SLCO3A1: variants seen among roughly 807,000 people sequenced by gnomAD.
SLCO3A1 encodes solute carrier organic anion transporter family member 3A1, also known as PGE1 transporter.
Under a neutral mutation model 63.1 loss-of-function variants are expected in SLCO3A1, and 27 were observed. That is an observed-to-expected ratio of 0.43 (90% CI 0.32 to 0.59). The LOEUF (loss-of-function observed/expected upper bound fraction) is 0.59. Among genes scored for constraint, SLCO3A1 ranks in the 20% least tolerant of loss-of-function variants. SLCO3A1 has a pLI of 0.09. For missense variants in SLCO3A1, 773 were observed against 945.8 expected, an observed-to-expected ratio of 0.82 and a Z score of 2.40; for synonymous variants, 473 against 409.9, an observed-to-expected ratio of 1.15 and a Z score of -1.86.
rs1438448750 is a variant in SLCO3A1 at position 91,862,157 on chromosome 15, T to G, written c.180+8069T>G. ...GTAATGATGAAGTCTTATTTTTTTA[T>G]TTTTTATTTTTTTTTTGAGACAGTC... On this transcript the variant is annotated intron_variant, in intron 1 of 9. Transcript: ENST00000318445. The surrounding 1 kb of genome is among the most constrained non-coding windows in gnomAD (Gnocchi z 4.0). Among the ~76,000 whole-genome samples the G allele has an allele frequency of 6.7e-6, 1 of 150,060 alleles. No individual in the cohort carries two copies. Among genetic ancestry groups the G allele is most frequent in the Non-Finnish European group, 1.5e-5 (1 of 67,992 alleles).
chr15:92,098,956 A>T (rs960540982), intron 3 of SLCO3A1, among the ~76,000 whole-genome samples: 8 of 152,184 alleles, frequency 5.3e-5, no homozygotes, highest in Admixed American at 2.6e-4. Flanking sequence ...TAGAGCAGGG[A>T]TTCATCCCCA....
Position 92,163,236 on chromosome 15 carries a change from C to T in SLCO3A1, c.*101C>T, listed in dbSNP as rs773561722. ...AAAAAAAACCAAAACTCAGTACACA[C>T]ACACAGGCACAGATGCACACACACG... On this transcript the variant is annotated 3_prime_UTR_variant, in exon 10 of 10. Transcript: ENST00000318445. The T allele has an allele frequency of 3.5e-5, 50 of 1,435,552 alleles. No individual in the cohort carries two copies. The highest frequency in any genetic ancestry group is 3.9e-5 in the Non-Finnish European group (43 of 1,103,300). 88.9% of individuals were successfully genotyped at this position (1,435,552 alleles called of 1,614,324 possible).
At chr15:91,939,687 A>G (rs1417657531) in intron 2 of SLCO3A1, among the ~76,000 whole-genome samples, 1 of 152,088 alleles carries the variant, frequency 6.6e-6, no homozygotes, top group Non-Finnish European at 1.5e-5. Context: ...CCTCTGCAGC[A>G]TTCCAGTCAT....
At chr15:92,166,634 C>T (rs953251370), downstream of SLCO3A1, among the ~76,000 whole-genome samples, 1 of 152,226 alleles carries the variant, frequency 6.6e-6, no homozygotes, top group African/African-American at 2.4e-5. Context: ...GGGCAACCAG[C>T]TGGTCCCTGG....
intron 2 of SLCO3A1, among the ~76,000 whole-genome samples, chr15:91,935,340 G>T (rs181004999): frequency 1.3e-5 from 2 of 152,256 alleles, no homozygotes; most frequent in East Asian, 3.9e-4. Flanking sequence ...GCAACACAAG[G>T]GACTTTTGTA....
chr15:91,993,837 C>G (rs142212836), intron 2 of SLCO3A1, among the ~76,000 whole-genome samples: 42 of 152,338 alleles, frequency 2.8e-4, no homozygotes, highest in African/African-American at 8.2e-4. Context: ...TCTTGGATCG[C>G]TTGCTCTGGA....
rs78382800 is a variant in SLCO3A1, at chr15:92,128,571, C to T, written c.1512+82C>T. Reference sequence around the variant, plus strand: ...AACCCAAGTTTTTGCCCAGGTTGTTCGCCTTCCCTGTGACTTTTTCTTAGC... The same window carrying T: ...AACCCAAGTTTTTGCCCAGGTTGTTTGCCTTCCCTGTGACTTTTTCTTAGC... On this transcript the variant is annotated intron_variant, in intron 7 of 9. Coordinates refer to ENST00000318445, the MANE Select transcript of SLCO3A1 (RefSeq NM_013272.4). 1,191 of 1,305,802 alleles carry T rather than the reference C, an allele frequency of 9.1e-4. 7 individuals carry two copies. The African/African-American group carries it at 0.015, about 16-fold the overall frequency. 80.9% of individuals were successfully genotyped at this position (1,305,802 alleles called of 1,614,324 possible). A position where few individuals can be genotyped will look rare whatever the true frequency, so the allele number is the denominator to read the frequency against.
chr15:91,924,422 A>G (rs923047545), intron 2 of SLCO3A1, among the ~76,000 whole-genome samples: 2 of 152,214 alleles, frequency 1.3e-5, no homozygotes, highest in East Asian at 1.9e-4. Flanking sequence ...TGGTAGCTCA[A>G]ACACACACGG....
intron 2 of SLCO3A1, among the ~76,000 whole-genome samples, chr15:92,070,214 G>C (rs1409910871): frequency 7.9e-5 from 12 of 152,240 alleles, no homozygotes; most frequent in Non-Finnish European, 1.5e-5. Context: ...TCGTACCATT[G>C]TTTGGAGGGT....
intron 2 of SLCO3A1, among the ~76,000 whole-genome samples, chr15:92,061,898 G>A (rs757728640): frequency 3.3e-5 from 5 of 152,218 alleles, no homozygotes; most frequent in Non-Finnish European, 5.9e-5. Flanking sequence ...GTCATGTCAA[G>A]GCTCTGGGTG....
chr15:91,902,438 GT>G (rs1898183666), intron 1 of SLCO3A1, among the ~76,000 whole-genome samples: 1 of 151,758 alleles, frequency 6.6e-6, no homozygotes. Flanking sequence ...ATTCTGTTTA[GT>G]TTGCCAGTCT....
At chr15:91,980,183 C>G (rs2045967211) in intron 2 of SLCO3A1, among the ~76,000 whole-genome samples, 2 of 152,108 alleles carry the variant, frequency 1.3e-5, no homozygotes, top group Non-Finnish European at 2.9e-5. Flanking sequence ...TAGTGCCACT[C>G]ACATTTCTCA....
intron 9 of SLCO3A1, chr15:92,162,133 CTTTTTTTTTTTTTTT>C (rs397854182): frequency 3.4e-5 from 2 of 59,348 alleles, no homozygotes; most frequent in African/African-American, 7.4e-5. Flanking sequence ...GTTCTAGATG[CTTTTTTTTTTTTTTT>C]TTTTTTTTTT....
intron 2 of SLCO3A1, among the ~76,000 whole-genome samples, chr15:92,091,610 G>A (rs1050749744): frequency 2.6e-5 from 4 of 152,160 alleles, no homozygotes; most frequent in Non-Finnish European, 2.9e-5. Flanking sequence ...GGCACTTCCC[G>A]ATGCACGAAG....
chr15:91,922,995 C>T (rs944810991), intron 2 of SLCO3A1, among the ~76,000 whole-genome samples: 1 of 152,160 alleles, frequency 6.6e-6, no homozygotes, highest in Non-Finnish European at 1.5e-5. Context: ...CATGGCATCA[C>T]CGCTGTGCCT....
intron 2 of SLCO3A1, among the ~76,000 whole-genome samples, chr15:91,983,951 A>G (rs747593242): frequency 2.0e-5 from 3 of 152,184 alleles, no homozygotes; most frequent in Non-Finnish European, 4.4e-5. Flanking sequence ...TAGGCTAATC[A>G]ATCAAGGAGG....
In SLCO3A1 at chr15:92,118,141, G is replaced by C. The variant is rs146652826; in HGVS notation, c.1010-2324G>C. ...ATAAGTGTATTAATACAATGGACTT[G>C]AAGTTGTTTTCTTATTATCTTTATT... On this transcript the variant is annotated intron_variant, in intron 4 of 9. Coordinates refer to ENST00000318445, the MANE Select transcript of SLCO3A1 (RefSeq NM_013272.4). Among the ~76,000 whole-genome samples the C allele has an allele frequency of 2.2e-3, 332 of 152,314 alleles. 3 individuals are homozygous for C. The highest frequency in any genetic ancestry group is 7.4e-3 in the African/African-American group (307 of 41,570).
chr15:91,917,338 T>A (rs1362265361), intron 2 of SLCO3A1, among the ~76,000 whole-genome samples: 1 of 152,134 alleles, frequency 6.6e-6, no homozygotes, highest in African/African-American at 2.4e-5. Flanking sequence ...TGCCTTGAGG[T>A]AGAAAGTTAA....
At chr15:91,922,281 A>G (rs1898876935) in intron 2 of SLCO3A1, among the ~76,000 whole-genome samples, 1 of 152,192 alleles carries the variant, frequency 6.6e-6, no homozygotes, top group Non-Finnish European at 1.5e-5. Context: ...GCCAGCGGAA[A>G]GGGGTTCTTT....
Sources: gnomAD v4.1 joint callset for allele counts (sites outside exome capture counted in the v4.1 genomes callset) on GRCh38, gnomAD v4.1.1 for gene constraint, Gnocchi (gnomAD v3.1) non-coding constraint, MANE v1.5 for transcripts, NCBI Gene and HGNC (gene_info 2026-07-23, HGNC 2026-07-21) for gene names.